The following AFF2 variants were observed in gnomAD, a reference collection of about 807,000 sequenced individuals.
AFF2 encodes the protein ALF transcription elongation factor 2.
A neutral mutation model predicts 76.9 loss-of-function variants in AFF2; 14 were observed. The observed-to-expected ratio is 0.18, with a 90% confidence interval of 0.12 to 0.28. The LOEUF (loss-of-function observed/expected upper bound fraction) is 0.28. Ranked by LOEUF, AFF2 falls within the 10% of genes least tolerant of loss-of-function variation. The pLI is 1.00. For synonymous variants in AFF2, 398 were observed against 366.7 expected (o/e 1.09, Z -0.98); for missense variants, 868 against 1,001.1 (o/e 0.87, Z 1.79).
At position 148,991,427 on chromosome X, in the gene AFF2, T is replaced by C. The variant is rs1230530511; in HGVS notation, c.*95T>C. 1.0e-6 allele frequency: 1 copy of C among 962,730 alleles called. No individual in the cohort carries two copies. The highest frequency in any genetic ancestry group is 2.0e-5 in the African/African-American group (1 of 50,527). The allele number at this position is 962,730 out of a possible 1,213,427, so 79.3% of individuals were successfully genotyped here. A position where few individuals can be genotyped will look rare whatever the true frequency, so the allele number is the denominator to read the frequency against. On this transcript the variant is annotated 3_prime_UTR_variant, in exon 21 of 21. Coordinates refer to ENST00000370460, the MANE Select transcript of AFF2 (RefSeq NM_002025.4). ...TGGAACTCCACTCACTGGGGAACGT[T>C]CTCTTTGGTTATGTTTGTTTTTATG...
At chrX:148,652,821 G>A (rs1222075751) in intron 2 of AFF2, among the ~76,000 whole-genome samples, 3 of 111,658 alleles carry the variant, frequency 2.7e-5, no homozygotes, top group African/African-American at 9.8e-5. Context: ...GATGAGAGGC[G>A]ACTGGGAAGA....
chrX:148,902,780 C>T (rs1326548421), intron 8 of AFF2, among the ~76,000 whole-genome samples: 2 of 111,808 alleles, frequency 1.8e-5, no homozygotes, highest in Non-Finnish European at 3.8e-5. Flanking sequence ...TATTCTAGCA[C>T]TTGCCAAAAT....
chrX:148,666,322 C>G (rs981383131), intron 3 of AFF2, among the ~76,000 whole-genome samples: 1 of 111,608 alleles, frequency 9.0e-6, no homozygotes, highest in Non-Finnish European at 1.9e-5. Context: ...TGCAGTGGCT[C>G]ACGCCTGTAA....
At position 148,987,495 on chromosome X, in the gene AFF2, G is replaced by C. The variant is rs2072486835; in HGVS notation, c.3752G>C (p.Ser1251Thr). Reference protein sequence around the residue: ...HMAASHVNITSNVLRGYEHWD... With the variant: ...HMAASHVNITTNVLRGYEHWD... Reference sequence around the variant, plus strand: ...GCTGCCAGCCACGTCAACATCACTAGCAATGTGTTACGGGGCTATGAACAC... The same window carrying C: ...GCTGCCAGCCACGTCAACATCACTACCAATGTGTTACGGGGCTATGAACAC... Residue 1251 changes from serine (S) to threonine (T), a missense_variant, in exon 20 of 21, where the codon AGC becomes ACC. Physicochemically the swap from Ser to Thr is moderately conservative, Grantham distance 58 (BLOSUM62 1). This residue lies in a region of AFF2 where 33 missense variants were observed against 63.6 expected (regional missense o/e 0.52). Transcript: ENST00000370460. 8.3e-7 allele frequency: 1 copy of C among 1,209,963 alleles called. No individual in the cohort carries two copies. Among genetic ancestry groups the C allele is most frequent in the Non-Finnish European group, 1.1e-6 (1 of 895,084 alleles).
chrX:148,863,924 C>T (rs781914417), intron 7 of AFF2, among the ~76,000 whole-genome samples: 2 of 111,334 alleles, frequency 1.8e-5, no homozygotes, highest in Middle Eastern at 4.2e-3. Flanking sequence ...CTGACAAATC[C>T]ACCTCAGGTG....
chrX:148,931,742 C>T (rs1434443450), intron 9 of AFF2, among the ~76,000 whole-genome samples: 1 of 111,605 alleles, frequency 9.0e-6, no homozygotes, highest in Admixed American at 9.5e-5. Context: ...TTGGGAAATT[C>T]TGATTTTGAC....
chrX:148,545,831 G>T (rs782336268), intron 1 of AFF2, among the ~76,000 whole-genome samples: 1 of 111,214 alleles, frequency 9.0e-6, no homozygotes, highest in East Asian at 2.8e-4. Context: ...CTGGGTCTGG[G>T]GTGGGGCTTG....
At chrX:148,936,644 G>A (rs2071778668) in intron 9 of AFF2, among the ~76,000 whole-genome samples, 1 of 112,169 alleles carries the variant, frequency 8.9e-6, no homozygotes, top group Admixed American at 9.4e-5. Context: ...CTATTTTTCT[G>A]CATTCATATG....
intron 9 of AFF2, among the ~76,000 whole-genome samples, chrX:148,942,271 G>A (rs1401260662): frequency 9.2e-6 from 1 of 109,247 alleles, no homozygotes; most frequent in East Asian, 2.9e-4. Context: ...CAATGTGGGA[G>A]CAGAGAGGAG....
intron 3 of AFF2, among the ~76,000 whole-genome samples, chrX:148,755,937 A>G (rs2055556665): frequency 8.9e-6 from 1 of 112,103 alleles, no homozygotes; most frequent in Non-Finnish European, 1.9e-5. Flanking sequence ...AATGTTTATA[A>G]TTAGAGATTG....
intron 1 of AFF2, among the ~76,000 whole-genome samples, chrX:148,523,696 T>C (rs2052625133): frequency 8.9e-6 from 1 of 112,614 alleles, no homozygotes; most frequent in South Asian, 3.6e-4. Flanking sequence ...TATTAGTCTT[T>C]AGTTCTTGAC....
intron 1 of AFF2, among the ~76,000 whole-genome samples, chrX:148,511,118 C>G (rs1202709312): frequency 8.9e-6 from 1 of 111,948 alleles, no homozygotes; most frequent in Non-Finnish European, 1.9e-5. Flanking sequence ...AAATCTCTCC[C>G]AAACAGCCCT....
chrX:148,967,725 A>G (rs1557289005), intron 15 of AFF2, 33 bp downstream of exon 15: 2 of 1,170,037 alleles, frequency 1.7e-6, no homozygotes, highest in Non-Finnish European at 1.2e-6. Context: ...CTTTGTTCCT[A>G]TTAAGGATTT....
chrX:148,922,392 G>A (rs782542166), intron 9 of AFF2, among the ~76,000 whole-genome samples: 28 of 111,790 alleles, frequency 2.5e-4, no homozygotes, highest in Admixed American at 4.7e-4. Flanking sequence ...TGGAAAAACC[G>A]TCTGGCACAC....
intron 1 of AFF2, among the ~76,000 whole-genome samples, chrX:148,577,905 A>G (rs1199781410): frequency 1.2e-4 from 14 of 112,037 alleles, no homozygotes; most frequent in African/African-American, 4.2e-4. Context: ...CTGTGCTTTC[A>G]TTAGGATTCC....
In AFF2 at chrX:148,919,771, T is replaced by TA. The variant is rs782321021; in HGVS notation, c.1397+15521dup. On this transcript the variant is annotated intron_variant, in intron 9 of 20. Coordinates refer to ENST00000370460, the MANE Select transcript of AFF2 (RefSeq NM_002025.4). Reference sequence around the variant, plus strand: ...GAATTAGAAGGCTATATACCCTTAATAAAAAAAAGAAACAATGTGATCCAT... The same window carrying TA: ...GAATTAGAAGGCTATATACCCTTAATAAAAAAAAAGAAACAATGTGATCCAT... Among the ~76,000 whole-genome samples the TA allele has an allele frequency of 1.0e-3, 113 of 110,786 alleles. 1 individual carries two copies. In the South Asian group the frequency reaches 0.039, roughly 39 times the overall value.
intron 3 of AFF2, among the ~76,000 whole-genome samples, chrX:148,768,764 A>G (rs2069549989): frequency 8.9e-6 from 1 of 111,935 alleles, no homozygotes; most frequent in African/African-American, 3.2e-5. Context: ...TGTGGCAGAA[A>G]GTTATGAGGA....
At chrX:148,610,321 G>A (rs1261810216) in intron 1 of AFF2, among the ~76,000 whole-genome samples, 8 of 111,324 alleles carry the variant, frequency 7.2e-5, no homozygotes, top group African/African-American at 2.6e-4. Context: ...AACAGAATGT[G>A]GGATTCCTGA....
chrX:148,749,332 C>T (rs900803899), intron 3 of AFF2, among the ~76,000 whole-genome samples: 2 of 106,382 alleles, frequency 1.9e-5, no homozygotes, highest in Non-Finnish European at 3.9e-5. Context: ...AGTGCAATGA[C>T]GTGATCATAG....
Sources: gnomAD v4.1 joint callset for allele counts (sites outside exome capture counted in the v4.1 genomes callset) on GRCh38, gnomAD v4.1.1 for gene constraint, gnomAD v4.1.1 regional missense constraint, MANE v1.5 for transcripts, NCBI Gene and HGNC (gene_info 2026-07-23, HGNC 2026-07-21) for gene names.